Variants in XPR1 observed in about 807,000 individuals in gnomAD.
XPR1 encodes solute carrier family 53 member 1.
A neutral mutation model predicts 87.5 loss-of-function variants in XPR1; 28 were observed. The ratio of observed to expected loss-of-function variants is 0.32; its 90% CI spans 0.24 to 0.44. The LOEUF is 0.44. Among genes scored for constraint, XPR1 ranks in the 20% least tolerant of loss-of-function variants. XPR1 has a pLI of 1.00. For missense variants in XPR1, 559 were observed against 862.3 expected (o/e 0.65, Z 4.41); for synonymous variants, 300 against 306.1 (o/e 0.98, Z 0.21).
At chr1:180,796,927 G>T (rs531112740) in intron 3 of XPR1, among the ~76,000 whole-genome samples, 12 of 152,116 alleles carry the variant, frequency 7.9e-5, no homozygotes, top group Non-Finnish European at 8.8e-5. Flanking sequence ...ATTATATATT[G>T]TATGATTCTT....
intron 2 of XPR1, among the ~76,000 whole-genome samples, chr1:180,785,623 A>G (rs1264013208): frequency 1.3e-5 from 2 of 152,090 alleles, no homozygotes; most frequent in Non-Finnish European, 2.9e-5. Flanking sequence ...GATGTTGAAT[A>G]TACAACCTAT....
At chr1:180,805,611 A>G (rs1649963146) in intron 4 of XPR1, among the ~76,000 whole-genome samples, 1 of 152,206 alleles carries the variant, frequency 6.6e-6, no homozygotes, top group South Asian at 2.1e-4. Flanking sequence ...AGGGGGAGAT[A>G]CATACTCCTG....
At chr1:180,751,073 A>G (rs1001676820) in intron 2 of XPR1, among the ~76,000 whole-genome samples, 1 of 152,022 alleles carries the variant, frequency 6.6e-6, no homozygotes, top group Non-Finnish European at 1.5e-5. Flanking sequence ...TTGCTAGTTT[A>G]TAGAAATACA....
intron 2 of XPR1, among the ~76,000 whole-genome samples, chr1:180,728,383 A>C (rs1484992435): frequency 1.3e-5 from 2 of 151,882 alleles, no homozygotes; most frequent in African/African-American, 4.8e-5. Context: ...GATACCAGCC[A>C]GCTATAAAGA....
At chr1:180,846,804 T>C (rs1036208262) in intron 11 of XPR1, among the ~76,000 whole-genome samples, 4 of 151,816 alleles carry the variant, frequency 2.6e-5, no homozygotes, top group Admixed American at 2.0e-4. Flanking sequence ...CATGAAAATA[T>C]TCAGAGTGAA....
chr1:180,632,320 C>T, intron 1 of XPR1, 50 bp downstream of exon 1: 1 of 1,576,176 alleles, frequency 6.3e-7, no homozygotes, highest in South Asian at 1.1e-5. Flanking sequence ...CACCATCTCG[C>T]CAGTCCTGAC....
intron 2 of XPR1, among the ~76,000 whole-genome samples, chr1:180,710,220 AATTG>A (rs955242575): frequency 4.5e-5 from 6 of 133,622 alleles, no homozygotes; most frequent in African/African-American, 1.2e-4. Flanking sequence ...TTTTTTTTTT[AATTG>A]ATCATTCTTG....
intron 13 of XPR1, among the ~76,000 whole-genome samples, chr1:180,877,052 C>T (rs950121185): frequency 6.6e-6 from 1 of 152,160 alleles, no homozygotes; most frequent in Non-Finnish European, 1.5e-5. Context: ...TTTTTAAAAA[C>T]AGTCATAACA....
chr1:180,781,171 T>G (rs1648921646), intron 2 of XPR1, among the ~76,000 whole-genome samples: 1 of 152,018 alleles, frequency 6.6e-6, no homozygotes, highest in Non-Finnish European at 1.5e-5. Flanking sequence ...GTGTTGTTTT[T>G]TTTTTACTTT....
intron 13 of XPR1, among the ~76,000 whole-genome samples, chr1:180,877,362 A>G (rs1652696253): frequency 6.6e-6 from 1 of 152,188 alleles, no homozygotes; most frequent in African/African-American, 2.4e-5. Context: ...GGGAGTACAG[A>G]AAGAAATCCA....
At chr1:180,731,485 T>A (rs1210436757) in intron 2 of XPR1, among the ~76,000 whole-genome samples, 1 of 152,120 alleles carries the variant, frequency 6.6e-6, no homozygotes, top group Non-Finnish European at 1.5e-5. Flanking sequence ...CTGGTGAGTT[T>A]CAGTTCTTTG....
At position 180,642,248 on chromosome 1, in the gene XPR1, C is replaced by A. The variant is rs531972018; in HGVS notation, c.69+9978C>A. Among the ~76,000 whole-genome samples the A allele has an allele frequency of 5.4e-3, 828 of 152,182 alleles. 6 individuals carry two copies. The highest frequency in any genetic ancestry group is 8.7e-3 in the Non-Finnish European group (590 of 67,978). On this transcript the variant is annotated intron_variant, in intron 1 of 14. Transcript: ENST00000367590. ...GGTTTAGAAATGAATTGGCCTCGTTCCTCTGTAACATTTTAATGTTAGCAC... is the reference window on the plus strand; with the variant it reads ...GGTTTAGAAATGAATTGGCCTCGTTACTCTGTAACATTTTAATGTTAGCAC...
chr1:180,800,004 C>A (rs1357786192), intron 3 of XPR1, among the ~76,000 whole-genome samples: 1 of 152,208 alleles, frequency 6.6e-6, no homozygotes, highest in Non-Finnish European at 1.5e-5. Context: ...GTACTAATTT[C>A]TGCAGTTCTA....
At chr1:180,863,317 A>AC (rs1208913080) in intron 11 of XPR1, among the ~76,000 whole-genome samples, 2 of 152,144 alleles carry the variant, frequency 1.3e-5, no homozygotes, top group Non-Finnish European at 2.9e-5. Flanking sequence ...AAGCAAATGC[A>AC]CATTCCTTGT....
In XPR1 at chr1:180,806,291, T is replaced by C. The variant is rs1054618813; in HGVS notation, c.597+80T>C. On this transcript the variant is annotated intron_variant, in intron 5 of 14. Transcript: ENST00000367590. ...GGGAAGCAATTCCTTATTTCTGTTA[T>C]TTTGTAACTAGTTGCTAGCTTTGAA... 6 of 1,565,016 alleles carry C rather than the reference T, an allele frequency of 3.8e-6. No individual in the cohort carries two copies. In the African/African-American group the frequency reaches 6.8e-5, roughly 18 times the overall value.
chr1:180,882,641 C>A lies in XPR1; in HGVS notation c.2031-1365C>A, dbSNP rs548713631. On this transcript the variant is annotated intron_variant, in intron 14 of 14. Transcript: ENST00000367590. The stretch of plus-strand genomic sequence containing the variant: ...AAAGTGCTGGGATTACAGGCAAGAG[C>A]CACCACACTCAGCCACCTGATTTTA... Among the ~76,000 whole-genome samples the A allele has an allele frequency of 5.3e-5, 8 of 152,326 alleles. 1 individual carries two copies. The highest frequency in any genetic ancestry group is 1.9e-4 in the African/African-American group (8 of 41,574).
At chr1:180,826,529 A>G (rs996073168) in intron 9 of XPR1, among the ~76,000 whole-genome samples, 4 of 152,206 alleles carry the variant, frequency 2.6e-5, no homozygotes, top group Non-Finnish European at 5.9e-5. Context: ...AGCCTGGGCA[A>G]CAGACTGAGA....
chr1:180,682,518 A>G (rs1656611626), intron 2 of XPR1, 107 bp downstream of exon 2: 3 of 640,376 alleles, frequency 4.7e-6, no homozygotes, highest in Admixed American at 3.3e-5. Flanking sequence ...CCTATTATAT[A>G]GGTCTTTTTT....
intron 2 of XPR1, among the ~76,000 whole-genome samples, chr1:180,784,661 T>C (rs1649067271): frequency 6.6e-6 from 1 of 152,048 alleles, no homozygotes; most frequent in African/African-American, 2.4e-5. Flanking sequence ...TTATAGTATT[T>C]TATATCATCT....
Sources: allele counts gnomAD v4.1 joint callset (sites outside exome capture counted in the v4.1 genomes callset), GRCh38; gene constraint gnomAD v4.1.1; transcripts MANE v1.5; gene names NCBI Gene and HGNC (gene_info 2026-07-23, HGNC 2026-07-21).